The following ERC2 variants were observed in gnomAD, a reference collection of about 807,000 sequenced individuals.
ERC2 encodes ERC protein 2.
Under a neutral mutation model 114.8 loss-of-function variants are expected in ERC2, and 42 were observed. The ratio of observed to expected loss-of-function variants is 0.37; its 90% CI spans 0.29 to 0.47. The LOEUF (loss-of-function observed/expected upper bound fraction) is 0.47, where lower values mean the gene tolerates loss of function less well. Among genes scored for constraint, ERC2 ranks in the 20% least tolerant of loss-of-function variants. The probability of loss-of-function intolerance (pLI) is 0.99; values close to 1 mark genes in which losing one functional copy is unlikely to be tolerated. For missense variants in ERC2, 939 were observed against 1,150.7 expected, an observed-to-expected ratio of 0.82 and a Z score of 2.66; for synonymous variants, 454 against 425.5, an observed-to-expected ratio of 1.07 and a Z score of -0.82.
chr3:56,054,902 C>A (rs919779078), intron 7 of ERC2, among the ~76,000 whole-genome samples: 2 of 152,118 alleles, frequency 1.3e-5, no homozygotes, highest in African/African-American at 4.8e-5. Flanking sequence ...TATATGTAGT[C>A]TTATATCAAA....
chr3:55,728,695 ACTT>A (rs1302090294), intron 15 of ERC2, among the ~76,000 whole-genome samples: 1 of 152,142 alleles, frequency 6.6e-6, no homozygotes, highest in Non-Finnish European at 1.5e-5. Context: ...GGCCAGATGT[ACTT>A]CTTCTCCTAG....
At chr3:55,753,164 T>G (rs563431718) in intron 14 of ERC2, among the ~76,000 whole-genome samples, 1 of 152,096 alleles carries the variant, frequency 6.6e-6, no homozygotes, top group Admixed American at 6.6e-5. Flanking sequence ...TGCTCCTGGA[T>G]GGGCTGTGAT....
intron 1 of ERC2, among the ~76,000 whole-genome samples, chr3:56,455,254 A>T (rs950651156): frequency 1.1e-4 from 16 of 151,822 alleles, no homozygotes; most frequent in African/African-American, 2.4e-4. Context: ...AAATAAATTT[A>T]AAAAAAAGAA....
At chr3:56,065,387 T>C (rs563961608) in intron 7 of ERC2, among the ~76,000 whole-genome samples, 5 of 152,126 alleles carry the variant, frequency 3.3e-5, no homozygotes, top group Admixed American at 6.5e-5. Context: ...CATGCCCAGC[T>C]AATTTTTTAA....
intron 12 of ERC2, among the ~76,000 whole-genome samples, chr3:55,979,587 T>C (rs1358723498): frequency 6.6e-6 from 1 of 152,172 alleles, no homozygotes; most frequent in Non-Finnish European, 1.5e-5. Flanking sequence ...TTATTGTACA[T>C]ACAGCTCCGT....
chr3:55,569,520 T>C (rs1404113246), intron 17 of ERC2, among the ~76,000 whole-genome samples: 1 of 152,212 alleles, frequency 6.6e-6, no homozygotes, highest in African/African-American at 2.4e-5. Context: ...GGATATTCTT[T>C]GTACCAATTA....
At chr3:56,459,812 C>T (rs1298246321) in intron 1 of ERC2, among the ~76,000 whole-genome samples, 2 of 152,170 alleles carry the variant, frequency 1.3e-5, no homozygotes, top group African/African-American at 2.4e-5. Flanking sequence ...TCCATGCACA[C>T]GCACTCTCTC....
At chr3:55,803,888 C>T (rs1318321312) in intron 14 of ERC2, among the ~76,000 whole-genome samples, 1 of 152,110 alleles carries the variant, frequency 6.6e-6, no homozygotes, top group Non-Finnish European at 1.5e-5. Context: ...ACTTCAGTCC[C>T]CACTTTCCAT....
At chr3:56,040,445 C>T (rs1285544142) in intron 7 of ERC2, among the ~76,000 whole-genome samples, 1 of 150,596 alleles carries the variant, frequency 6.6e-6, no homozygotes, top group Non-Finnish European at 1.5e-5. Flanking sequence ...TGTAATGACG[C>T]ACCTCAGCCT....
At chr3:56,166,074 T>C (rs550533660) in intron 4 of ERC2, among the ~76,000 whole-genome samples, 53 of 152,130 alleles carry the variant, frequency 3.5e-4, no homozygotes, top group Non-Finnish European at 6.3e-4. Flanking sequence ...TACTTCTGAG[T>C]TTCTGAAAAA....
intron 7 of ERC2, among the ~76,000 whole-genome samples, chr3:56,045,349 T>G (rs1255417368): frequency 6.6e-6 from 1 of 152,168 alleles, no homozygotes; most frequent in Non-Finnish European, 1.5e-5. Flanking sequence ...GGAAGATAAT[T>G]TACTAATTTA....
At chr3:56,162,177 G>C (rs1459106610) in intron 4 of ERC2, among the ~76,000 whole-genome samples, 1 of 152,064 alleles carries the variant, frequency 6.6e-6, no homozygotes, top group Admixed American at 6.6e-5. Flanking sequence ...TTTATGTGTT[G>C]AACACATTTA....
intron 15 of ERC2, among the ~76,000 whole-genome samples, chr3:55,734,227 T>C (rs1168118151): frequency 6.6e-6 from 1 of 152,100 alleles, no homozygotes; most frequent in Admixed American, 6.5e-5. Context: ...GAGTGAAGAA[T>C]GGCTGGGTGG....
In ERC2 at chr3:55,534,808, C is replaced by A. The variant is rs2053891211; in HGVS notation, c.*40-23532G>T. On this transcript the variant is annotated intron_variant, in intron 17 of 17. Transcript: ENST00000288221. ...CCTTTTCTTGGGGTCAAGCTGCAAT[C>A]TGAAGGAGCACAAGGTGATGACAGG... Among the ~76,000 whole-genome samples the A allele has an allele frequency of 2.0e-5, 3 of 152,274 alleles. No homozygotes were observed. The South Asian group carries it at 6.2e-4, about 32-fold the overall frequency.
intron 13 of ERC2, among the ~76,000 whole-genome samples, chr3:55,913,997 A>G (rs575116322): frequency 3.4e-5 from 5 of 147,836 alleles, no homozygotes; most frequent in Non-Finnish European, 5.9e-5. Context: ...AACTAATAAA[A>G]TATTCTTGCC....
At chr3:56,099,185 G>A (rs1360860384) in intron 6 of ERC2, among the ~76,000 whole-genome samples, 2 of 152,184 alleles carry the variant, frequency 1.3e-5, no homozygotes, top group East Asian at 1.9e-4. Flanking sequence ...GCCTCCTGAA[G>A]CTGAAAGAGA....
At chr3:56,354,125 AAATAGCTAAAAGC>A (rs1214943385) in intron 2 of ERC2, among the ~76,000 whole-genome samples, 1 of 152,210 alleles carries the variant, frequency 6.6e-6, no homozygotes, top group Non-Finnish European at 1.5e-5. Flanking sequence ...AGAAAATACA[AAATAGCTAAAAGC>A]TACTTTGAAT....
chr3:56,440,967 A>G (rs755653003), intron 1 of ERC2, among the ~76,000 whole-genome samples: 1 of 152,144 alleles, frequency 6.6e-6, no homozygotes, highest in Non-Finnish European at 1.5e-5. Flanking sequence ...TAGTTCCATC[A>G]AGAAATTGAT....
At chr3:55,837,850 A>C (rs2060965984) in intron 14 of ERC2, among the ~76,000 whole-genome samples, 1 of 151,742 alleles carries the variant, frequency 6.6e-6, no homozygotes, top group Non-Finnish European at 1.5e-5. Context: ...AGATATACAC[A>C]GATTAAATGT....
Sources: gnomAD v4.1 joint callset for allele counts (sites outside exome capture counted in the v4.1 genomes callset) on GRCh38, gnomAD v4.1.1 for gene constraint, MANE v1.5 for transcripts, NCBI Gene and HGNC (gene_info 2026-07-23, HGNC 2026-07-21) for gene names.